Variants in DGKB observed in about 807,000 individuals in gnomAD.
The protein encoded by DGKB is diacylglycerol kinase beta, also known as 90 kDa diacylglycerol kinase.
In DGKB, 67 loss-of-function variants were observed where a neutral mutation model predicts 114.3. The ratio of observed to expected loss-of-function variants is 0.59; its 90% CI spans 0.48 to 0.72. The LOEUF is 0.72. DGKB is among the 30% of genes least tolerant of loss of function. The pLI, the probability that DGKB is intolerant of heterozygous loss-of-function variation, is 0.00. For missense variants in DGKB, 907 were observed against 975.2 expected, an observed-to-expected ratio of 0.93 and a Z score of 0.93; for synonymous variants, 398 against 323.1, an observed-to-expected ratio of 1.23 and a Z score of -2.49.
At chr7:14,932,683 T>C (rs938837524) in intron 1 of DGKB, among the ~76,000 whole-genome samples, 3 of 152,164 alleles carry the variant, frequency 2.0e-5, no homozygotes, top group Admixed American at 2.0e-4. Context: ...AATTGGTTCC[T>C]CAGGTATTAA....
intron 2 of DGKB, among the ~76,000 whole-genome samples, chr7:14,839,703 T>C (rs1316824847): frequency 2.0e-5 from 3 of 151,822 alleles, no homozygotes; most frequent in East Asian, 3.9e-4. Context: ...AATGCATATA[T>C]TGTACATTCA....
chr7:14,458,817 A>G (rs1290083892), intron 21 of DGKB, among the ~76,000 whole-genome samples: 2 of 152,266 alleles, frequency 1.3e-5, no homozygotes, highest in East Asian at 3.9e-4. Context: ...ATTTGTTTTC[A>G]TACCCTGGTG....
chr7:14,974,664 A>T (rs1787688269), intron 1 of DGKB: 1 of 152,152 alleles, frequency 6.6e-6, no homozygotes, highest in Non-Finnish European at 1.5e-5. Flanking sequence ...CAAAAAGTTA[A>T]AGCATACATT....
intron 21 of DGKB, among the ~76,000 whole-genome samples, chr7:14,407,821 A>G (rs1196639357): frequency 6.6e-6 from 1 of 152,092 alleles, no homozygotes; most frequent in East Asian, 1.9e-4. Flanking sequence ...TTGGCAAGTG[A>G]ATGGAAGTCA....
At position 14,684,960 on chromosome 7, in the gene DGKB, A is replaced by G. The variant is rs561942995; in HGVS notation, c.829+285T>C. Among the ~76,000 whole-genome samples the G allele has an allele frequency of 5.9e-5, 9 of 152,294 alleles. No individual in the cohort carries two copies. The East Asian group carries it at 1.7e-3, about 29-fold the overall frequency. On this transcript the variant is annotated intron_variant, in intron 10 of 25. Coordinates refer to ENST00000402815, the MANE Select transcript of DGKB (RefSeq NM_001350709.2). ...AAAACTAGTGGAAATATTCAAAATAATCCCTGAAGAAATGGGAAACATGAA... is the reference window on the plus strand; with the variant it reads ...AAAACTAGTGGAAATATTCAAAATAGTCCCTGAAGAAATGGGAAACATGAA...
chr7:14,416,409 A>G (rs937737833), intron 21 of DGKB, among the ~76,000 whole-genome samples: 16 of 151,972 alleles, frequency 1.1e-4, no homozygotes, highest in Non-Finnish European at 2.1e-4. Flanking sequence ...AAACATATAT[A>G]CCCTTCAAAT....
chr7:14,225,073 A>G (rs1181271031), intron 23 of DGKB, among the ~76,000 whole-genome samples: 2 of 152,014 alleles, frequency 1.3e-5, no homozygotes, highest in Non-Finnish European at 2.9e-5. Context: ...AGAATCCACC[A>G]ATCTCCCCCC....
At chr7:14,660,983 G>C (rs1816945022) in intron 13 of DGKB, among the ~76,000 whole-genome samples, 1 of 148,462 alleles carries the variant, frequency 6.7e-6, no homozygotes, top group Non-Finnish European at 1.5e-5. Context: ...AATGGTGCTG[G>C]GAAAACTGGC....
chr7:14,672,333 T>C (rs76758630), intron 13 of DGKB, among the ~76,000 whole-genome samples: 2,261 of 152,232 alleles, frequency 0.015, 55 homozygotes, highest in African/African-American at 0.052. Flanking sequence ...TGTTTGAATA[T>C]CTGCTTCTCT....
intron 23 of DGKB, among the ~76,000 whole-genome samples, chr7:14,229,584 G>C (rs1034739384): frequency 1.3e-5 from 2 of 151,932 alleles, no homozygotes; most frequent in Non-Finnish European, 2.9e-5. Context: ...ATTTATGTCT[G>C]TAGCATTATT....
At chr7:14,218,977 G>A (rs1350816849) in intron 23 of DGKB, among the ~76,000 whole-genome samples, 3 of 151,792 alleles carry the variant, frequency 2.0e-5, no homozygotes, top group Non-Finnish European at 4.4e-5. Context: ...TTCTGCCTCT[G>A]TAGATTTTCC....
At chr7:14,415,660 C>T (rs1825609993) in intron 21 of DGKB, among the ~76,000 whole-genome samples, 1 of 152,040 alleles carries the variant, frequency 6.6e-6, no homozygotes, top group Non-Finnish European at 1.5e-5. Flanking sequence ...TTTCTTAATC[C>T]AGTCTATCAT....
At chr7:14,235,174 G>A (rs1792570635) in intron 23 of DGKB, among the ~76,000 whole-genome samples, 1 of 152,036 alleles carries the variant, frequency 6.6e-6, no homozygotes, top group South Asian at 2.1e-4. Flanking sequence ...AGACCACAGA[G>A]GTTAGCTGAC....
intron 23 of DGKB, among the ~76,000 whole-genome samples, chr7:14,221,478 T>G (rs564336141): frequency 4.0e-5 from 6 of 151,590 alleles, no homozygotes; most frequent in African/African-American, 1.4e-4. Context: ...TTACATTGAT[T>G]GATTTCCAGG....
chr7:14,861,702 G>A (rs763260032), intron 1 of DGKB, among the ~76,000 whole-genome samples: 10 of 151,830 alleles, frequency 6.6e-5, no homozygotes, highest in Non-Finnish European at 1.0e-4. Context: ...GAACTTTACC[G>A]TGATGAAATC....
At chr7:14,613,558 A>AGT in intron 15 of DGKB, 145 bp from the exon 16 acceptor site, 1 of 545,822 alleles carries the variant, frequency 1.8e-6, no homozygotes, top group Non-Finnish European at 3.3e-6. Context: ...TGTGTGTGTG[A>AGT]GTGTGTGCGT....
intron 23 of DGKB, among the ~76,000 whole-genome samples, chr7:14,178,806 A>T (rs1782204607): frequency 6.6e-6 from 1 of 152,116 alleles, no homozygotes; most frequent in Admixed American, 6.6e-5. Flanking sequence ...TGCAATCATT[A>T]TTATTAAATT....
At chr7:14,395,048 G>T (rs1563093374) in intron 21 of DGKB, among the ~76,000 whole-genome samples, 1 of 152,054 alleles carries the variant, frequency 6.6e-6, no homozygotes, top group Non-Finnish European at 1.5e-5. Flanking sequence ...AGAGCAAATA[G>T]ACTCCTAATC....
At chr7:14,828,493 G>A (rs1845993208) in intron 2 of DGKB, among the ~76,000 whole-genome samples, 2 of 152,042 alleles carry the variant, frequency 1.3e-5, no homozygotes, top group Non-Finnish European at 2.9e-5. Flanking sequence ...CACGGGAAGG[G>A]GCGTAACAAC....
Sources: gnomAD v4.1 joint callset for allele counts (sites outside exome capture counted in the v4.1 genomes callset) on GRCh38, gnomAD v4.1.1 for gene constraint, MANE v1.5 for transcripts, NCBI Gene and HGNC (gene_info 2026-07-23, HGNC 2026-07-21) for gene names.